NEUROD2: variants seen among roughly 807,000 people sequenced by gnomAD.
The protein encoded by NEUROD2 is neuronal differentiation 2.
A neutral mutation model predicts 9.3 loss-of-function variants in NEUROD2; 5 were observed. That is an observed-to-expected ratio of 0.54 (90% confidence interval 0.28 to 1.13). NEUROD2 has a LOEUF of 1.13. Ranked by LOEUF, NEUROD2 falls within the 50% of genes most tolerant of loss-of-function variation. The pLI, the probability that NEUROD2 is intolerant of heterozygous loss-of-function variation, is 0.10. For synonymous variants in NEUROD2, 277 were observed against 257.3 expected (o/e 1.08, Z -0.73); for missense variants, 376 against 549.2 (o/e 0.68, Z 3.15).
chr17:39,605,517 G>GT lies in NEUROD2; in HGVS notation c.1082dup (p.Tyr361Ter). 6.2e-7 allele frequency: 1 copy of GT among 1,613,186 alleles called. No individual in the cohort carries two copies. Among genetic ancestry groups the GT allele is most frequent in the Non-Finnish European group, 8.5e-7 (1 of 1,179,620 alleles). The change falls in exon 2 of 2, where the codon TAC becomes TAAC. Residue 361 changes from tyrosine (Y) to a stop codon, truncating the protein, a stop_gained and frameshift_variant. Coordinates refer to ENST00000302584, the MANE Select transcript of NEUROD2 (RefSeq NM_006160.4). LOFTEE classifies it high-confidence loss of function. This position sits in a 1 kb window ranked among gnomAD's most constrained non-coding sequence, Gnocchi z 6.8. ...CCCGGTCGTGGTGAAGGTGCATATC[G>GT]TAAGACAAGAGATTCTCCGAGTGGA... Reference protein sequence around the residue: ...GGVHSENLLSYDMHLHHDRGP... With the variant: ...GGVHSENLLS
In NEUROD2 at chr17:39,606,629, G is replaced by A. The variant is rs2056770063; in HGVS notation, c.-5-25C>T. The A allele has an allele frequency of 3.3e-6, 5 of 1,523,704 alleles. No individual in the cohort carries two copies. The South Asian group carries it at 6.1e-5, about 19-fold the overall frequency. 94.4% of individuals were successfully genotyped at this position (1,523,704 alleles called of 1,614,324 possible). A position where few individuals can be genotyped will look rare whatever the true frequency, so the allele number is the denominator to read the frequency against. ...CCTGAGGGCGCCCCGCGGGCGGGAA[G>A]GGGAGACAGACAGCACAAAGTGAGG... On this transcript the variant is annotated intron_variant, in intron 1 of 1. Transcript: ENST00000302584. The surrounding 1 kb of genome is among the most constrained non-coding windows in gnomAD (Gnocchi z 7.8).
In NEUROD2 at chr17:39,606,164, T is replaced by G. The variant is rs1472009544; in HGVS notation, c.436A>C (p.Lys146Gln). 1 of 1,613,526 alleles carries G rather than the reference T, an allele frequency of 6.2e-7. No homozygotes were observed. Among genetic ancestry groups the G allele is most frequent in the South Asian group, 1.1e-5 (1 of 91,076 alleles). ...GTCTTGGAGTAGCAGGGCACCACCT[T>G]GCGCAGGTTGTCCAGGGCTGCGTTC... ...DLNAALDNLR[K>Q]VVPCYSKTQK... The change falls in exon 2 of 2, where the codon AAG (lysine) becomes CAG (glutamine). Residue 146 changes from lysine to glutamine, a missense_variant. Transcript: ENST00000302584. This position sits in a 1 kb window ranked among gnomAD's most constrained non-coding sequence, Gnocchi z 7.8.
chr17:39,605,821 C>T lies in NEUROD2; in HGVS notation c.779G>A (p.Gly260Asp), dbSNP rs2056765607. 9.5e-6 allele frequency: 13 copies of T among 1,364,686 alleles called. No homozygotes were observed. The highest frequency in any genetic ancestry group is 1.2e-5 in the Non-Finnish European group (13 of 1,065,682). 84.5% of individuals were successfully genotyped at this position (1,364,686 alleles called of 1,614,324 possible). The change falls in exon 2 of 2, where the codon GGC becomes GAC. Residue 260 changes from glycine to aspartate, a missense_variant. This residue lies in a region of NEUROD2 where 193 missense variants were observed against 255.8 expected (regional missense o/e 0.75). Transcript: ENST00000302584. This position sits in a 1 kb window ranked among gnomAD's most constrained non-coding sequence, Gnocchi z 6.8. Reference sequence around the variant, plus strand: ...GTGGGTCCGCAGGGCGTGCGCCGCGCCGCCGCCCAGGCCGCCGGCCGCCTG... The same window carrying T: ...GTGGGTCCGCAGGGCGTGCGCCGCGTCGCCGCCCAGGCCGCCGGCCGCCTG... Reference protein sequence around the residue: ...QCQAAGGLGGGAAHALRTHGY... With the variant: ...QCQAAGGLGGDAAHALRTHGY...
Position 39,606,263 on chromosome 17 carries a change from T to C in NEUROD2, c.337A>G (p.Lys113Glu). 2 of 1,610,412 alleles carry C rather than the reference T, an allele frequency of 1.2e-6. No homozygotes were observed. The highest frequency in any genetic ancestry group is 1.7e-6 in the Non-Finnish European group (2 of 1,179,614). Residue 113 changes from lysine (K) to glutamate (E), a missense_variant, in exon 2 of 2, where the codon AAG becomes GAG. Around this residue, in one of 3 missense-constraint regions of NEUROD2, gnomAD observed 49 missense variants for 159.8 expected, o/e 0.31. Coordinates refer to ENST00000302584, the MANE Select transcript of NEUROD2 (RefSeq NM_006160.4). This position sits in a 1 kb window ranked among gnomAD's most constrained non-coding sequence, Gnocchi z 7.8. ...AGCTTGGAGCGCTCCAAGCGCGCCT[T>C]GGTCATCTTGCGCTTCTTGGGCCCG... Reference protein sequence around the residue: ...KRGPKKRKMTKARLERSKLRR... With the variant: ...KRGPKKRKMTEARLERSKLRR...
Position 39,606,632 on chromosome 17 carries a change from G to C in NEUROD2, c.-5-28C>G, listed in dbSNP as rs1250595778. On this transcript the variant is annotated intron_variant, in intron 1 of 1. Coordinates refer to ENST00000302584, the MANE Select transcript of NEUROD2 (RefSeq NM_006160.4). This position sits in a 1 kb window ranked among gnomAD's most constrained non-coding sequence, Gnocchi z 7.8. ...GAGGGCGCCCCGCGGGCGGGAAGGG[G>C]AGACAGACAGCACAAAGTGAGGGGC... The C allele has an allele frequency of 6.6e-7, 1 of 1,519,038 alleles. No homozygotes were observed. Among genetic ancestry groups the C allele is most frequent in the Admixed American group, 2.1e-5 (1 of 48,158 alleles). 94.1% of individuals were successfully genotyped at this position (1,519,038 alleles called of 1,614,324 possible).
chr17:39,605,391 G>A lies in NEUROD2; in HGVS notation c.*60C>T, dbSNP rs2056763177. 6.8e-7 allele frequency: 1 copy of A among 1,470,356 alleles called. No homozygotes were observed. Among genetic ancestry groups the A allele is most frequent in the African/African-American group, 1.4e-5 (1 of 70,490 alleles). 91.1% of individuals were successfully genotyped at this position (1,470,356 alleles called of 1,614,324 possible). A position where few individuals can be genotyped will look rare whatever the true frequency, so the allele number is the denominator to read the frequency against. Reference sequence around the variant, plus strand: ...GGATGGGGGTGTCCCTGCGCTCTGGGGGCTGGGGACAGGGGGGCGGGCAAA... The same window carrying A: ...GGATGGGGGTGTCCCTGCGCTCTGGAGGCTGGGGACAGGGGGGCGGGCAAA... On this transcript the variant is annotated 3_prime_UTR_variant, in exon 2 of 2. Transcript: ENST00000302584. The surrounding 1 kb of genome is among the most constrained non-coding windows in gnomAD (Gnocchi z 6.8).
At position 39,606,231 on chromosome 17, in the gene NEUROD2, C is replaced by T. The variant is rs778116662; in HGVS notation, c.369G>A (p.Arg123=). 6.2e-7 allele frequency: 1 copy of T among 1,611,210 alleles called. No homozygotes were observed. The highest frequency in any genetic ancestry group is 8.5e-7 in the Non-Finnish European group (1 of 1,179,672). Residue 123 remains arginine (R), a synonymous_variant, in exon 2 of 2, where the codon CGG becomes CGA. Transcript: ENST00000302584. The surrounding 1 kb of genome is among the most constrained non-coding windows in gnomAD (Gnocchi z 7.8). ...KARLERSKLR[R]QKANARERNR... ...TGCGCTCCCGCGCGTTCGCCTTCTG[C>T]CGCCGAAGCTTGGAGCGCTCCAAGC...
Position 39,606,302 on chromosome 17 carries a change from G to T in NEUROD2, c.298C>A (p.Arg100=), listed in dbSNP as rs2056767585. ...TTCTTGGGCCCGCGCTTCTTGGGCC[G>T]CTCGCCCTCCGCCTCGTCCAGTCCT... ...EEGLDEAEGE[R]PKKRGPKKRK... The change falls in exon 2 of 2, where the codon CGG becomes AGG. Residue 100 remains arginine, a synonymous_variant. Transcript: ENST00000302584. The surrounding 1 kb of genome is among the most constrained non-coding windows in gnomAD (Gnocchi z 7.8). The T allele has an allele frequency of 6.2e-7, 1 of 1,605,346 alleles. No homozygotes were observed.
Position 39,606,296 on chromosome 17 carries a change from T to G in NEUROD2, c.304A>C (p.Lys102Gln). 6.2e-7 allele frequency: 1 copy of G among 1,607,036 alleles called. No individual in the cohort carries two copies. The highest frequency in any genetic ancestry group is 8.5e-7 in the Non-Finnish European group (1 of 1,178,760). ...GLDEAEGERP[K>Q]KRGPKKRKMT... ...TTGCGCTTCTTGGGCCCGCGCTTCTTGGGCCGCTCGCCCTCCGCCTCGTCC... is the reference window on the plus strand; with the variant it reads ...TTGCGCTTCTTGGGCCCGCGCTTCTGGGGCCGCTCGCCCTCCGCCTCGTCC... Residue 102 changes from lysine to glutamine, a missense_variant, in exon 2 of 2, where the codon AAG becomes CAG. Physicochemically the swap from Lys to Gln is moderately conservative, Grantham distance 53 (BLOSUM62 1). Coordinates refer to ENST00000302584, the MANE Select transcript of NEUROD2 (RefSeq NM_006160.4). The surrounding 1 kb of genome is among the most constrained non-coding windows in gnomAD (Gnocchi z 7.8).
intron 1 of NEUROD2, chr17:39,607,148 AC>A: frequency 6.6e-6 from 1 of 150,654 alleles, no homozygotes; most frequent in Non-Finnish European, 1.5e-5. Flanking sequence ...CTCGGCCCCC[AC>A]CCCCGCACCC....
Position 39,606,825 on chromosome 17 carries a change from C to A in NEUROD2, c.-5-221G>T, listed in dbSNP as rs1299665980. 4 of 489,208 alleles carry A rather than the reference C, an allele frequency of 8.2e-6. No individual in the cohort carries two copies. Among genetic ancestry groups the A allele is most frequent in the African/African-American group, 6.2e-5 (3 of 48,690 alleles). 30.3% of individuals were successfully genotyped at this position (489,208 alleles called of 1,614,324 possible). A position where few individuals can be genotyped will look rare whatever the true frequency, so the allele number is the denominator to read the frequency against. ...ATCTCGGCCCAGGCCCTCTCCCCGG[C>A]GCTGGGCCCCGGCTCCGCCCCTCGC... On this transcript the variant is annotated intron_variant, in intron 1 of 1. Transcript: ENST00000302584. The surrounding 1 kb of genome is among the most constrained non-coding windows in gnomAD (Gnocchi z 7.8).
In NEUROD2 at chr17:39,606,878, G is replaced by A; in HGVS notation, c.-5-274C>T. 2 of 429,662 alleles carry A rather than the reference G, an allele frequency of 4.7e-6. No homozygotes were observed. The highest frequency in any genetic ancestry group is 8.2e-6 in the Non-Finnish European group (2 of 244,038). 26.6% of individuals were successfully genotyped at this position (429,662 alleles called of 1,614,324 possible). On this transcript the variant is annotated intron_variant, in intron 1 of 1. Coordinates refer to ENST00000302584, the MANE Select transcript of NEUROD2 (RefSeq NM_006160.4). The surrounding 1 kb of genome is among the most constrained non-coding windows in gnomAD (Gnocchi z 7.8). ...GAATGGGGGGCTGCTCCCCGCGCCTGCTTCTTCTCAGGGTCAGGGCAGGGA... is the reference window on the plus strand; with the variant it reads ...GAATGGGGGGCTGCTCCCCGCGCCTACTTCTTCTCAGGGTCAGGGCAGGGA...
At chr17:39,607,513 C>T (rs994123395) in intron 1 of NEUROD2, 8 of 702,894 alleles carry the variant, frequency 1.1e-5, no homozygotes, top group African/African-American at 9.6e-5. Context: ...CTGCCTTCCC[C>T]CCCCACCGAG....
In NEUROD2 at chr17:39,606,630, G is replaced by T; in HGVS notation, c.-5-26C>A. On this transcript the variant is annotated intron_variant, in intron 1 of 1. Transcript: ENST00000302584. The surrounding 1 kb of genome is among the most constrained non-coding windows in gnomAD (Gnocchi z 7.8). ...CTGAGGGCGCCCCGCGGGCGGGAAGGGGAGACAGACAGCACAAAGTGAGGG... is the reference window on the plus strand; with the variant it reads ...CTGAGGGCGCCCCGCGGGCGGGAAGTGGAGACAGACAGCACAAAGTGAGGG... 1 of 1,523,240 alleles carries T rather than the reference G, an allele frequency of 6.6e-7. No individual in the cohort carries two copies. The highest frequency in any genetic ancestry group is 2.5e-5 in the East Asian group (1 of 39,722). The allele number at this position is 1,523,240 out of a possible 1,614,324, so 94.4% of individuals were successfully genotyped here.
rs2056766881 is a variant in NEUROD2, at chr17:39,606,090, G to T, written c.510C>A (p.Ile170=). ...AGCGCAGGATCTCCGAGAGCGCCCAGATATAGTTCTTGGCTAGGCGCAGCG... is the reference window on the plus strand; with the variant it reads ...AGCGCAGGATCTCCGAGAGCGCCCATATATAGTTCTTGGCTAGGCGCAGCG... The part of the protein sequence containing the change: ...IETLRLAKNY[I]WALSEILRSG... Residue 170 remains isoleucine, a synonymous_variant, in exon 2 of 2, where the codon ATC becomes ATA. Transcript: ENST00000302584. The surrounding 1 kb of genome is among the most constrained non-coding windows in gnomAD (Gnocchi z 7.8). 6.2e-7 allele frequency: 1 copy of T among 1,614,018 alleles called. No homozygotes were observed. The highest frequency in any genetic ancestry group is 8.5e-7 in the Non-Finnish European group (1 of 1,180,008).
rs1186346500 is a variant in NEUROD2 at position 39,605,377 on chromosome 17, T to C, written c.*74A>G. Reference sequence around the variant, plus strand: ...CCGGCGCCGGGGTAGGATGGGGGTGTCCCTGCGCTCTGGGGGCTGGGGACA... The same window carrying C: ...CCGGCGCCGGGGTAGGATGGGGGTGCCCCTGCGCTCTGGGGGCTGGGGACA... On this transcript the variant is annotated 3_prime_UTR_variant, in exon 2 of 2. Transcript: ENST00000302584. The surrounding 1 kb of genome is among the most constrained non-coding windows in gnomAD (Gnocchi z 6.8). The C allele has an allele frequency of 6.9e-7, 1 of 1,452,906 alleles. No individual in the cohort carries two copies. Among genetic ancestry groups the C allele is most frequent in the Non-Finnish European group, 9.1e-7 (1 of 1,097,628 alleles). 90.0% of individuals were successfully genotyped at this position (1,452,906 alleles called of 1,614,324 possible). A position where few individuals can be genotyped will look rare whatever the true frequency, so the allele number is the denominator to read the frequency against.
At position 39,604,873 on chromosome 17, in the gene NEUROD2, C is replaced by T. The variant is rs1203836598; in HGVS notation, c.*578G>A. The stretch of plus-strand genomic sequence containing the variant: ...AATTGTCTTGGCCTCTCTCTTTCCT[C>T]TCAATCCACTTCCCCTCCCGCCAAA... On this transcript the variant is annotated 3_prime_UTR_variant, in exon 2 of 2. Transcript: ENST00000302584. The T allele has an allele frequency of 6.9e-6, 1 of 144,250 alleles. No individual in the cohort carries two copies. Among genetic ancestry groups the T allele is most frequent in the Non-Finnish European group, 1.5e-5 (1 of 66,808 alleles). The allele number at this position is 144,250 out of a possible 1,614,324, so 8.9% of individuals were successfully genotyped here.
rs775378476 is a variant in NEUROD2, at chr17:39,606,478, G to T, written c.122C>A (p.Pro41Gln). ...CGGAGCCCCTGGCCCGGGCGCAGGC[G>T]GTGGCGGTGGCGGCGCGTCGCCCTT... ...SDKGDAPPPP[P>Q]PAPGPGAPGP... The change falls in exon 2 of 2, where the codon CCG becomes CAG. Residue 41 changes from proline to glutamine, a missense_variant. Transcript: ENST00000302584. The surrounding 1 kb of genome is among the most constrained non-coding windows in gnomAD (Gnocchi z 7.8). 2.6e-6 allele frequency: 4 copies of T among 1,536,610 alleles called. No homozygotes were observed. The African/African-American group carries it at 4.1e-5, about 16-fold the overall frequency.
Position 39,605,706 on chromosome 17 carries a change from C to G in NEUROD2, c.894G>C (p.Pro298=), listed in dbSNP as rs530996860. ...PDYNSSEYEG[P]LSPPLCLNGN... is the part of the protein sequence containing the mutation. ...CATTGAGACAGAGCGGGGGGCTGAG[C>G]GGGCCCTCGTACTCGGAGCTGTTGT... The change falls in exon 2 of 2, where the codon CCG becomes CCC. Residue 298 remains proline (P), a synonymous_variant. Coordinates refer to ENST00000302584, the MANE Select transcript of NEUROD2 (RefSeq NM_006160.4). The surrounding 1 kb of genome is among the most constrained non-coding windows in gnomAD (Gnocchi z 6.8). The G allele has an allele frequency of 1.9e-6, 3 of 1,602,214 alleles. No individual in the cohort carries two copies. Among genetic ancestry groups the G allele is most frequent in the African/African-American group, 1.3e-5 (1 of 74,260 alleles).
Sources: gnomAD v4.1 joint callset for allele counts on GRCh38, gnomAD v4.1.1 for gene constraint, gnomAD v4.1.1 regional missense constraint, Gnocchi (gnomAD v3.1) non-coding constraint, MANE v1.5 for transcripts, NCBI Gene and HGNC (gene_info 2026-07-23, HGNC 2026-07-21) for gene names.